Variants in MED26 observed in about 807,000 individuals in gnomAD.
MED26 encodes the protein mediator of RNA polymerase II transcription subunit 26.
MED26 carries 7 observed loss-of-function variants against 43.7 expected under a neutral mutation model. The observed-to-expected ratio is 0.16, with a 90% CI of 0.09 to 0.30. The LOEUF (loss-of-function observed/expected upper bound fraction) is 0.30. MED26 is among the 10% of genes least tolerant of loss of function. The probability of loss-of-function intolerance (pLI) is 1.00; values close to 1 mark genes in which losing one functional copy is unlikely to be tolerated. For missense variants in MED26, 784 were observed against 840.6 expected (o/e 0.93, Z 0.83); for synonymous variants, 375 against 371.1 (o/e 1.01, Z -0.12).
intron 1 of MED26, chr19:16,578,635 C>T: frequency 1.8e-6 from 1 of 556,456 alleles, no homozygotes; most frequent in Non-Finnish European, 3.2e-6. Context: ...GGTGTGCGGG[C>T]TGCCCCAAGC....
At chr19:16,616,318 A>G (rs1020723) in intron 1 of MED26, among the ~76,000 whole-genome samples, 23,477 of 152,168 alleles carry the variant, frequency 0.15, 2,733 homozygotes, top group African/African-American at 0.33. Context: ...TGGCAGAGTC[A>G]ATGGTTCCAA....
chr19:16,618,639 G>A (rs747861877), intron 1 of MED26, among the ~76,000 whole-genome samples: 1 of 152,096 alleles, frequency 6.6e-6, no homozygotes, highest in Non-Finnish European at 1.5e-5. Flanking sequence ...ACTATTTGGC[G>A]GTCACATCAG....
chr19:16,575,845 A>G lies in MED26; in HGVS notation c.*182T>C, dbSNP rs1428605270. 3.3e-6 allele frequency: 2 copies of G among 602,850 alleles called. No homozygotes were observed. Among genetic ancestry groups the G allele is most frequent in the Non-Finnish European group, 5.8e-6 (2 of 343,560 alleles). The allele number at this position is 602,850 out of a possible 1,614,324, so 37.3% of individuals were successfully genotyped here. ...AGTAAACTGGTAGCAGCATTTCACAAAAAGAGTTTTGAGGGAAGAGCGCAG... is the reference window on the plus strand; with the variant it reads ...AGTAAACTGGTAGCAGCATTTCACAGAAAGAGTTTTGAGGGAAGAGCGCAG... On this transcript the variant is annotated 3_prime_UTR_variant, in exon 3 of 3. Coordinates refer to ENST00000263390, the MANE Select transcript of MED26 (RefSeq NM_004831.5).
intron 1 of MED26, among the ~76,000 whole-genome samples, chr19:16,612,741 G>C (rs950347079): frequency 1.3e-5 from 2 of 152,202 alleles, no homozygotes; most frequent in Non-Finnish European, 2.9e-5. Context: ...TTTTAAACCT[G>C]CTTGTGAATT....
Position 16,578,359 on chromosome 19 carries a change from G to A in MED26, c.123C>T (p.Tyr41=), listed in dbSNP as rs369918011. The stretch of plus-strand genomic sequence containing the variant: ...CCTCAAGTGCCTCTTTGGTAATAGG[G>A]TATTTCTCCAGGCTGGAGATGACTT... ...VLEVISSLEK[Y]PITKEALEET... The change falls in exon 2 of 3, where the codon TAC becomes TAT. Residue 41 remains tyrosine, a synonymous_variant. Coordinates refer to ENST00000263390, the MANE Select transcript of MED26 (RefSeq NM_004831.5). The A allele has an allele frequency of 2.4e-5, 39 of 1,614,080 alleles. No individual in the cohort carries two copies. In the South Asian group the frequency reaches 3.8e-4, roughly 16 times the overall value.
intron 1 of MED26, among the ~76,000 whole-genome samples, chr19:16,581,035 A>C (rs2086042613): frequency 6.6e-6 from 1 of 150,546 alleles, no homozygotes; most frequent in African/African-American, 2.5e-5. Context: ...TGGCTTTTCT[A>C]CTCTTCTGCC....
At position 16,576,272 on chromosome 19, in the gene MED26, T is replaced by G. The variant is rs1568278059; in HGVS notation, c.1558A>C (p.Ser520Arg). ...AGCTGCCTGGCCCCTTGCCGGGTGC[T>G]CTCCTCCTGCTTCAGGTACTCAGAC... is the stretch of plus-strand genomic sequence containing the variant. ...FMSEYLKQEE[S>R]TRQGARQLHV... Residue 520 changes from serine (S) to arginine (R), a missense_variant, in exon 3 of 3, where the codon AGC (serine) becomes CGC (arginine). Ser to Arg is a moderately radical substitution (Grantham distance 110). This residue lies in a region of MED26 where 719 missense variants were observed against 730.9 expected (regional missense o/e 0.98). Transcript: ENST00000263390. The surrounding 1 kb of genome is among the most constrained non-coding windows in gnomAD (Gnocchi z 6.8). 2.5e-6 allele frequency: 4 copies of G among 1,611,448 alleles called. No individual in the cohort carries two copies. Among genetic ancestry groups the G allele is most frequent in the Admixed American group, 1.7e-5 (1 of 59,982 alleles).
intron 1 of MED26, among the ~76,000 whole-genome samples, chr19:16,618,081 C>T (rs1057192050): frequency 1.3e-5 from 2 of 152,160 alleles, no homozygotes; most frequent in Non-Finnish European, 2.9e-5. Flanking sequence ...CCAGGAAACA[C>T]AGGTACGAGT....
rs571425001 is a variant in MED26, at chr19:16,585,710, G to C, written c.73-7301C>G. On this transcript the variant is annotated intron_variant, in intron 1 of 2. Transcript: ENST00000263390. Reference sequence around the variant, plus strand: ...GACACCTCTGACCCCTCCGGAGTCCGGAAGACTAGACTCTTCTGAAAACCC... The same window carrying C: ...GACACCTCTGACCCCTCCGGAGTCCCGAAGACTAGACTCTTCTGAAAACCC... Among the ~76,000 whole-genome samples the C allele has an allele frequency of 8.5e-5, 13 of 152,312 alleles. No homozygotes were observed. The South Asian group carries it at 2.5e-3, about 29-fold the overall frequency.
At chr19:16,607,017 C>G (rs1599343364) in intron 1 of MED26, among the ~76,000 whole-genome samples, 2 of 152,234 alleles carry the variant, frequency 1.3e-5, no homozygotes, top group South Asian at 2.1e-4. Flanking sequence ...ACCACTGTAT[C>G]TGGTCTCAGC....
chr19:16,595,612 A>C (rs2086116706), intron 1 of MED26, among the ~76,000 whole-genome samples: 1 of 152,214 alleles, frequency 6.6e-6, no homozygotes, highest in Non-Finnish European at 1.5e-5. Context: ...CAAGCTCTGC[A>C]CAGAACAAAG....
intron 1 of MED26, among the ~76,000 whole-genome samples, chr19:16,596,880 CTG>C (rs2086122364): frequency 6.6e-6 from 1 of 152,268 alleles, no homozygotes. Flanking sequence ...GCACGGCACA[CTG>C]TGCCACAGCC....
At chr19:16,601,611 G>A (rs1313309287) in intron 1 of MED26, among the ~76,000 whole-genome samples, 1 of 152,208 alleles carries the variant, frequency 6.6e-6, no homozygotes. Flanking sequence ...GTGACACTCA[G>A]GATGCTCTGG....
rs1364848471 is a variant in MED26 at position 16,576,370 on chromosome 19, T to C, written c.1460A>G (p.Gln487Arg). 1 of 1,613,988 alleles carries C rather than the reference T, an allele frequency of 6.2e-7. No individual in the cohort carries two copies. Among genetic ancestry groups the C allele is most frequent in the African/African-American group, 1.3e-5 (1 of 74,910 alleles). ...WKELSRNEIIQSYLSRQSSLL... is the reference protein window; with the variant it reads ...WKELSRNEIIRSYLSRQSSLL... ...GCTGCTCTGCCGGCTCAGGTAGGAC[T>C]GGATGATCTCGTTGCGTGACAGCTC... The change falls in exon 3 of 3, where the codon CAG becomes CGG. Residue 487 changes from glutamine to arginine, a missense_variant. Gln to Arg is a conservative substitution (Grantham distance 43). Around this residue, in one of 3 missense-constraint regions of MED26, gnomAD observed 719 missense variants for 730.9 expected, o/e 0.98. Transcript: ENST00000263390. The surrounding 1 kb of genome is among the most constrained non-coding windows in gnomAD (Gnocchi z 6.8).
At chr19:16,609,169 G>C (rs555956063) in intron 1 of MED26, among the ~76,000 whole-genome samples, 4 of 152,090 alleles carry the variant, frequency 2.6e-5, no homozygotes, top group Non-Finnish European at 5.9e-5. Flanking sequence ...ACAAAAATTA[G>C]CCGGGTATGG....
rs772567220 is a variant in MED26 at position 16,576,759 on chromosome 19, C to T, written c.1071G>A (p.Lys357=). The T allele has an allele frequency of 1.2e-6, 2 of 1,607,546 alleles. No individual in the cohort carries two copies. Among genetic ancestry groups the T allele is most frequent in the South Asian group, 1.1e-5 (1 of 90,958 alleles). ...SHQRLAGPGC[K]AGLSPAEPLL... is the part of the protein sequence containing the mutation. ...GGGGCTCGGCTGGGGACAGCCCTGC[C>T]TTGCAGCCCGGCCCCGCCAGCCGCT... The change falls in exon 3 of 3, where the codon AAG becomes AAA. Residue 357 remains lysine, a synonymous_variant. Coordinates refer to ENST00000263390, the MANE Select transcript of MED26 (RefSeq NM_004831.5). This position sits in a 1 kb window ranked among gnomAD's most constrained non-coding sequence, Gnocchi z 6.8.
chr19:16,614,943 G>A (rs2086216832), intron 1 of MED26, among the ~76,000 whole-genome samples: 1 of 152,186 alleles, frequency 6.6e-6, no homozygotes, highest in Non-Finnish European at 1.5e-5. Flanking sequence ...GTCCTCCCAG[G>A]TTAGGCAATG....
At chr19:16,610,096 T>C (rs1451729300) in intron 1 of MED26, among the ~76,000 whole-genome samples, 1 of 151,852 alleles carries the variant, frequency 6.6e-6, no homozygotes, top group Admixed American at 6.6e-5. Flanking sequence ...ACCGTCTCTA[T>C]AAAAAATACA....
chr19:16,594,417 G>A (rs528768643), intron 1 of MED26, among the ~76,000 whole-genome samples: 7 of 152,242 alleles, frequency 4.6e-5, no homozygotes, highest in Non-Finnish European at 7.3e-5. Context: ...CCTGAACCAC[G>A]CGCATCTCAC....
Sources: gnomAD v4.1 joint callset for allele counts (sites outside exome capture counted in the v4.1 genomes callset) on GRCh38, gnomAD v4.1.1 for gene constraint, gnomAD v4.1.1 regional missense constraint, Gnocchi (gnomAD v3.1) non-coding constraint, MANE v1.5 for transcripts, NCBI Gene and HGNC (gene_info 2026-07-23, HGNC 2026-07-21) for gene names.